FUBP1: variants seen among roughly 807,000 people sequenced by gnomAD.
The protein encoded by FUBP1 is far upstream element binding protein 1.
FUBP1 carries 16 observed loss-of-function variants against 94.9 expected under a neutral mutation model. That is an observed-to-expected ratio of 0.17 (90% CI 0.11 to 0.26). The LOEUF is 0.26. Among genes scored for constraint, FUBP1 ranks in the 10% least tolerant of loss-of-function variants. The pLI, the probability that FUBP1 is intolerant of heterozygous loss-of-function variation, is 1.00. For missense variants in FUBP1, 583 were observed against 808.6 expected (o/e 0.72, Z 3.38); for synonymous variants, 279 against 254.9 (o/e 1.09, Z -0.90).
intron 2 of FUBP1, chr1:77,969,014 A>G: frequency 8.4e-7 from 1 of 1,190,104 alleles, no homozygotes; most frequent in Non-Finnish European, 1.1e-6. Context: ...ATAAATAAAA[A>G]TTCCTGCCTT....
chr1:77,960,541 T>C (rs749039084), intron 14 of FUBP1, 46 bp from the exon 15 acceptor site: 3 of 1,453,540 alleles, frequency 2.1e-6, no homozygotes, highest in South Asian at 1.2e-5. Flanking sequence ...AACACAGTAA[T>C]GGTTAAACAA....
intron 3 of FUBP1, among the ~76,000 whole-genome samples, chr1:77,967,887 A>G (rs1656809535): frequency 6.6e-6 from 1 of 152,182 alleles, no homozygotes; most frequent in East Asian, 1.9e-4. Flanking sequence ...ACAGAACAAA[A>G]TAATTTCCTT....
At chr1:77,978,851 G>A in intron 1 of FUBP1, 34 bp downstream of exon 1, 1 of 1,613,176 alleles carries the variant, frequency 6.2e-7, no homozygotes, top group Non-Finnish European at 8.5e-7. Context: ...ATTACCGTGA[G>A]CTTTCGGGAT....
chr1:77,956,539 T>A, intron 17 of FUBP1, 33 bp downstream of exon 17: 1 of 1,552,998 alleles, frequency 6.4e-7, no homozygotes, highest in Non-Finnish European at 8.9e-7. Context: ...AGCACAACTT[T>A]TGGCTTTCAC....
In FUBP1 at chr1:77,978,972, A is replaced by T. The variant is rs1025863548; in HGVS notation, c.33T>A (p.Ser11=). Residue 11 remains serine (S), a synonymous_variant, in exon 1 of 20, where the codon TCT becomes TCA. Transcript: ENST00000370768. ...CACCACCGCCACCAGCTGAGCCAGA[A>T]GAGGGGGGAGGCACTGTTGAATAGT... MADYSTVPPP[S]SGSAGGGGGG... 1.8e-5 allele frequency: 29 copies of T among 1,613,826 alleles called. No individual in the cohort carries two copies. The highest frequency in any genetic ancestry group is 2.3e-5 in the Non-Finnish European group (27 of 1,179,804).
chr1:77,952,401 T>C (rs1190612031), intron 18 of FUBP1, among the ~76,000 whole-genome samples: 4 of 150,382 alleles, frequency 2.7e-5, no homozygotes, highest in African/African-American at 7.3e-5. Context: ...AAGCAAATAA[T>C]GACAAATTAA....
At chr1:77,958,237 A>T (rs916085136) in intron 16 of FUBP1, among the ~76,000 whole-genome samples, 1 of 152,218 alleles carries the variant, frequency 6.6e-6, no homozygotes, top group African/African-American at 2.4e-5. Context: ...CACAGTTACA[A>T]ATAACTAGTA....
rs1657211991 is a variant in FUBP1 at position 77,969,961 on chromosome 1, C to T, written c.175G>A (p.Gly59Ser). 6.3e-7 allele frequency: 1 copy of T among 1,589,314 alleles called. No individual in the cohort carries two copies. Among genetic ancestry groups the T allele is most frequent in the Non-Finnish European group, 8.6e-7 (1 of 1,161,994 alleles). ...AAAGGTCTTTTTTGTCCCCCATAAC[C>T]ATAGTCATTTGAATTCAGTGATGTC... ...AGTSLNSNDY[G>S]YGGQKRPLED... The change falls in exon 2 of 20, where the codon GGT becomes AGT. Residue 59 changes from glycine to serine, a missense_variant. Coordinates refer to ENST00000370768, the MANE Select transcript of FUBP1 (RefSeq NM_003902.5).
At position 77,956,687 on chromosome 1, in the gene FUBP1, C is replaced by T. The variant is rs375876626; in HGVS notation, c.1590G>A (p.Thr530=). The change falls in exon 17 of 20, where the codon ACG becomes ACA. Residue 530 remains threonine (T), a synonymous_variant. Coordinates refer to ENST00000370768, the MANE Select transcript of FUBP1 (RefSeq NM_003902.5). ...CAGCCCAAGCTGCTGAATTTGGATC[C>T]GTTCCTGCCTTAGCTAAAATAAATG... ...QAPPDPAKAG[T]DPNSAAWAAY... 1.1e-5 allele frequency: 17 copies of T among 1,611,734 alleles called. No homozygotes were observed. Among genetic ancestry groups the T allele is most frequent in the South Asian group, 7.7e-5 (7 of 90,916 alleles).
chr1:77,963,475 G>T, intron 13 of FUBP1, 99 bp downstream of exon 13: 2 of 606,726 alleles, frequency 3.3e-6, no homozygotes, highest in Non-Finnish European at 2.9e-6. Context: ...ACTAAAATAC[G>T]GTCAGAGAAA....
At chr1:77,951,606 G>A (rs747139572) in intron 18 of FUBP1, among the ~76,000 whole-genome samples, 1 of 152,208 alleles carries the variant, frequency 6.6e-6, no homozygotes, top group Non-Finnish European at 1.5e-5. Flanking sequence ...CACAGTGGCA[G>A]TGGTGTGATC....
intron 18 of FUBP1, among the ~76,000 whole-genome samples, chr1:77,952,864 G>A (rs1399440866): frequency 3.9e-5 from 6 of 152,280 alleles, no homozygotes; most frequent in East Asian, 1.9e-4. Flanking sequence ...GTGGCCAGGC[G>A]CAGTGGCTCA....
chr1:77,963,800 G>T, intron 12 of FUBP1, 85 bp from the exon 13 acceptor site: 1 of 1,112,164 alleles, frequency 9.0e-7, no homozygotes, highest in Non-Finnish European at 1.3e-6. Context: ...ATTTTTCCCA[G>T]CTCTCATATA....
Position 77,946,378 on chromosome 1 carries a change from G to C in FUBP1, c.*2388C>G, listed in dbSNP as rs1652171082. 1 of 194,326 alleles carries C rather than the reference G, an allele frequency of 5.1e-6. No homozygotes were observed. 12.0% of individuals were successfully genotyped at this position (194,326 alleles called of 1,614,324 possible). On this transcript the variant is annotated 3_prime_UTR_variant, in exon 20 of 20. Transcript: ENST00000370768. ...TAAACAGTTGCTTTAACAACTTACA[G>C]ACTTTCCACTAAGATGGTAGCATAA...
In FUBP1 at chr1:77,964,650, A is replaced by G; in HGVS notation, c.833T>C (p.Ile278Thr). Reference protein sequence around the residue: ...YGSRIGGNEGIDVPIPRFAVG... With the variant: ...YGSRIGGNEGTDVPIPRFAVG... ...TGAATGGGTATTTTTACTTACATCT[A>G]TCCCTTCATTTCCTCCTATTCTTGA... is the stretch of plus-strand genomic sequence containing the variant. The change falls in exon 10 of 20, where the codon ATA becomes ACA. Residue 278 changes from isoleucine to threonine, a missense_variant. Physicochemically the swap from Ile to Thr is moderately conservative, Grantham distance 89. Transcript: ENST00000370768. The G allele has an allele frequency of 6.5e-7, 1 of 1,531,370 alleles. No individual in the cohort carries two copies. Among genetic ancestry groups the G allele is most frequent in the Non-Finnish European group, 9.1e-7 (1 of 1,104,708 alleles). 94.9% of individuals were successfully genotyped at this position (1,531,370 alleles called of 1,614,324 possible).
At chr1:77,969,438 A>T (rs1353904941) in intron 2 of FUBP1, among the ~76,000 whole-genome samples, 2 of 151,884 alleles carry the variant, frequency 1.3e-5, no homozygotes, top group Non-Finnish European at 2.9e-5. Context: ...ACACAAAAGT[A>T]CTGAAAGTAA....
intron 18 of FUBP1, among the ~76,000 whole-genome samples, chr1:77,952,674 T>C (rs536524248): frequency 9.9e-5 from 15 of 152,206 alleles, no homozygotes; most frequent in African/African-American, 3.4e-4. Context: ...TTCTTATTTG[T>C]GGTAAAAAGA....
chr1:77,963,265 A>C (rs112779216), intron 13 of FUBP1, among the ~76,000 whole-genome samples: 1 of 152,206 alleles, frequency 6.6e-6, no homozygotes, highest in African/African-American at 2.4e-5. Flanking sequence ...TTAAAATATG[A>C]GTCGGGAAAA....
chr1:77,962,911 G>A lies in FUBP1; in HGVS notation c.1203C>T (p.Ser401=), dbSNP rs2228247. The change falls in exon 14 of 20, where the codon AGC becomes AGT. Residue 401 remains serine, a synonymous_variant. Transcript: ENST00000370768. The part of the protein sequence containing the change: ...IIGKGGETIK[S]ISQQSGARIE... ...TTCTTGCACCAGACTGCTGGCTTAT[G>A]CTTTTTATGGTTTCACCTCCTAAAA... 5.1e-3 allele frequency: 8,274 copies of A among 1,612,116 alleles called. 338 individuals carry two copies. The African/African-American group carries it at 0.098, about 19-fold the overall frequency.
Sources: gnomAD v4.1 joint callset for allele counts (sites outside exome capture counted in the v4.1 genomes callset) on GRCh38, gnomAD v4.1.1 for gene constraint, MANE v1.5 for transcripts, NCBI Gene and HGNC (gene_info 2026-07-23, HGNC 2026-07-21) for gene names.